Variants in KCNH7 observed in about 807,000 individuals in gnomAD.
KCNH7 encodes voltage-gated inwardly rectifying potassium channel KCNH7.
A neutral mutation model predicts 120.8 loss-of-function variants in KCNH7; 49 were observed. The observed-to-expected ratio is 0.41, with a 90% confidence interval of 0.32 to 0.51. The LOEUF is 0.51. Among genes scored for constraint, KCNH7 ranks in the 20% least tolerant of loss-of-function variants. The pLI is 0.38. For missense variants in KCNH7, 1,097 were observed against 1,446.6 expected, an observed-to-expected ratio of 0.76 and a Z score of 3.92; for synonymous variants, 547 against 516.1, an observed-to-expected ratio of 1.06 and a Z score of -0.81.
intron 2 of KCNH7, among the ~76,000 whole-genome samples, chr2:162,571,150 T>C (rs1360551321): frequency 4.6e-5 from 7 of 151,834 alleles, no homozygotes; most frequent in African/African-American, 9.7e-5. Context: ...GAAAACCCCA[T>C]TGTCTCAGCC....
chr2:162,485,871 T>G (rs1013618911), intron 6 of KCNH7, among the ~76,000 whole-genome samples: 1 of 152,184 alleles, frequency 6.6e-6, no homozygotes, highest in Non-Finnish European at 1.5e-5. Context: ...AAGAGCAGTA[T>G]AGAGCAATAT....
At chr2:162,796,514 G>A (rs940777910) in intron 2 of KCNH7, 5 of 152,100 alleles carry the variant, frequency 3.3e-5, no homozygotes, top group African/African-American at 1.2e-4. Flanking sequence ...TAGTTTAGAG[G>A]TTCTTTCCTC....
chr2:162,794,740 T>C (rs891892327), intron 2 of KCNH7, among the ~76,000 whole-genome samples: 15 of 152,068 alleles, frequency 9.9e-5, no homozygotes, highest in African/African-American at 3.1e-4. Context: ...ATTTTTATTG[T>C]ATAATTTATG....
chr2:162,804,545 A>T (rs1684464406), intron 2 of KCNH7, among the ~76,000 whole-genome samples: 1 of 151,886 alleles, frequency 6.6e-6, no homozygotes, highest in Non-Finnish European at 1.5e-5. Flanking sequence ...AACCAAAGAG[A>T]TGAAAGATCT....
intron 2 of KCNH7, among the ~76,000 whole-genome samples, chr2:162,639,970 A>T (rs967966733): frequency 1.3e-5 from 2 of 152,128 alleles, no homozygotes; most frequent in Non-Finnish European, 2.9e-5. Context: ...CACTACCAAG[A>T]TTACTTAGGT....
chr2:162,529,625 G>C (rs1029636452), intron 3 of KCNH7, among the ~76,000 whole-genome samples: 19 of 151,688 alleles, frequency 1.3e-4, no homozygotes, highest in Non-Finnish European at 1.0e-4. Flanking sequence ...CAGTAAACTC[G>C]GGCATTAATC....
At chr2:162,733,488 C>G (rs893417702) in intron 2 of KCNH7, among the ~76,000 whole-genome samples, 2 of 152,180 alleles carry the variant, frequency 1.3e-5, no homozygotes, top group African/African-American at 2.4e-5. Context: ...TTCCCTCAGC[C>G]AAGGGATCAG....
At chr2:162,629,501 C>T (rs1488796795) in intron 2 of KCNH7, among the ~76,000 whole-genome samples, 1 of 152,120 alleles carries the variant, frequency 6.6e-6, no homozygotes. Context: ...GACAAACTGG[C>T]TCAGCTTGCC....
intron 2 of KCNH7, among the ~76,000 whole-genome samples, chr2:162,641,609 T>C (rs923742219): frequency 2.6e-5 from 4 of 151,646 alleles, no homozygotes; most frequent in Non-Finnish European, 1.5e-5. Context: ...ATTCTTGAAA[T>C]GACAGAATTA....
intron 2 of KCNH7, among the ~76,000 whole-genome samples, chr2:162,789,408 A>G (rs139261154): frequency 5.3e-5 from 8 of 152,210 alleles, no homozygotes; most frequent in African/African-American, 1.9e-4. Flanking sequence ...ATACAATAAT[A>G]GTAGAAGACT....
At chr2:162,509,687 C>T (rs1396520772) in intron 5 of KCNH7, among the ~76,000 whole-genome samples, 2 of 151,476 alleles carry the variant, frequency 1.3e-5, no homozygotes, top group Non-Finnish European at 3.0e-5. Flanking sequence ...TTTGCAAATC[C>T]TTATCAGATG....
chr2:162,454,719 C>A (rs1041482990), intron 6 of KCNH7, among the ~76,000 whole-genome samples: 1 of 152,000 alleles, frequency 6.6e-6, no homozygotes, highest in African/African-American at 2.4e-5. Flanking sequence ...GAAGTTCATT[C>A]ATGATTTGGC....
chr2:162,598,430 TA>T (rs771577182), intron 2 of KCNH7, among the ~76,000 whole-genome samples: 1 of 152,120 alleles, frequency 6.6e-6, no homozygotes, highest in East Asian at 1.9e-4. Context: ...AAAAAGTCAC[TA>T]AAAATTATTT....
At chr2:162,620,219 TATAG>T (rs2105192200) in intron 2 of KCNH7, among the ~76,000 whole-genome samples, 1 of 150,566 alleles carries the variant, frequency 6.6e-6, no homozygotes, top group South Asian at 2.1e-4. Context: ...TTAAAATATA[TATAG>T]AGAGAGGAAA....
chr2:162,556,731 G>A (rs543963903), intron 2 of KCNH7, among the ~76,000 whole-genome samples: 23 of 152,110 alleles, frequency 1.5e-4, no homozygotes, highest in African/African-American at 5.5e-4. Context: ...AATCTTTTTT[G>A]TCTTCACATA....
intron 2 of KCNH7, among the ~76,000 whole-genome samples, chr2:162,792,632 C>A (rs961301479): frequency 6.6e-6 from 1 of 150,542 alleles, no homozygotes; most frequent in Admixed American, 6.6e-5. Flanking sequence ...GTAATGTCCC[C>A]TTTGTTGTTT....
chr2:162,736,030 G>C (rs1687894291), intron 2 of KCNH7, among the ~76,000 whole-genome samples: 1 of 152,130 alleles, frequency 6.6e-6, no homozygotes, highest in South Asian at 2.1e-4. Flanking sequence ...ATGTCTGGTG[G>C]AACTGATGTT....
At chr2:162,559,948 T>A (rs897648866) in intron 2 of KCNH7, among the ~76,000 whole-genome samples, 1 of 152,182 alleles carries the variant, frequency 6.6e-6, no homozygotes, top group Non-Finnish European at 1.5e-5. Flanking sequence ...GGGTAGAACA[T>A]GTTCTCATTT....
intron 10 of KCNH7, among the ~76,000 whole-genome samples, chr2:162,399,968 G>A (rs1475198432): frequency 6.6e-6 from 1 of 151,814 alleles, no homozygotes; most frequent in Non-Finnish European, 1.5e-5. Flanking sequence ...GAGAATCATC[G>A]AAGCATTTAC....
Sources: gnomAD v4.1 joint callset for allele counts (sites outside exome capture counted in the v4.1 genomes callset) on GRCh38, gnomAD v4.1.1 for gene constraint, MANE v1.5 for transcripts, NCBI Gene and HGNC (gene_info 2026-07-23, HGNC 2026-07-21) for gene names.